MAGI2: variants seen among roughly 807,000 people sequenced by gnomAD.
MAGI2 encodes the protein membrane associated guanylate kinase, WW and PDZ domain containing 2.
Under a neutral mutation model 133.3 loss-of-function variants are expected in MAGI2, and 35 were observed. The observed-to-expected ratio is 0.26, with a 90% CI of 0.20 to 0.35. The LOEUF is 0.35. Ranked by LOEUF, MAGI2 falls within the 10% of genes least tolerant of loss-of-function variation. The pLI is 1.00. For synonymous variants in MAGI2, 729 were observed against 710.6 expected, an observed-to-expected ratio of 1.03 and a Z score of -0.41; for missense variants, 1,636 against 1,863.4, an observed-to-expected ratio of 0.88 and a Z score of 2.25.
intron 1 of MAGI2, among the ~76,000 whole-genome samples, chr7:79,158,690 T>C (rs968902927): frequency 1.3e-5 from 2 of 152,082 alleles, no homozygotes; most frequent in African/African-American, 4.8e-5. Context: ...TAAGTTTTAT[T>C]ACTTAATACT....
intron 3 of MAGI2, among the ~76,000 whole-genome samples, chr7:78,527,006 C>CAAAAAAAAAAAAAAAAAAAAA (rs55707442): frequency 3.1e-4 from 14 of 45,426 alleles, no homozygotes; most frequent in Non-Finnish European, 5.8e-4. Context: ...GACTCCATCT[C>CAAAAAAAAAAAAAAAAAAAAA]AAAAAAAAAA....
At chr7:79,354,636 G>A (rs1841900615) in intron 1 of MAGI2, among the ~76,000 whole-genome samples, 1 of 152,096 alleles carries the variant, frequency 6.6e-6, no homozygotes, top group African/African-American at 2.4e-5. Context: ...CAATAAGAGA[G>A]GTGCCCTGGT....
chr7:79,354,621 C>T (rs1013295370), intron 1 of MAGI2, among the ~76,000 whole-genome samples: 4 of 152,124 alleles, frequency 2.6e-5, no homozygotes, highest in Non-Finnish European at 4.4e-5. Flanking sequence ...GTACCTACCT[C>T]TGTCCAATAA....
chr7:78,250,414 T>C (rs1407749812), intron 10 of MAGI2, among the ~76,000 whole-genome samples: 1 of 152,100 alleles, frequency 6.6e-6, no homozygotes, highest in Non-Finnish European at 1.5e-5. Flanking sequence ...GTGAAATTTA[T>C]AGTTTTAAGT....
intron 1 of MAGI2, among the ~76,000 whole-genome samples, chr7:79,308,377 G>C (rs1355265652): frequency 4.6e-5 from 2 of 43,084 alleles, no homozygotes; most frequent in Non-Finnish European, 1.1e-4. Flanking sequence ...GCTTCTCTTG[G>C]AGTTTTCCCA....
At chr7:78,895,209 C>T (rs1797108844) in intron 2 of MAGI2, among the ~76,000 whole-genome samples, 1 of 152,150 alleles carries the variant, frequency 6.6e-6, no homozygotes, top group Non-Finnish European at 1.5e-5. Flanking sequence ...TCTTGGTGCT[C>T]TCTTGCCATG....
At chr7:78,742,980 A>G (rs1822572640) in intron 2 of MAGI2, among the ~76,000 whole-genome samples, 1 of 152,212 alleles carries the variant, frequency 6.6e-6, no homozygotes, top group Non-Finnish European at 1.5e-5. Flanking sequence ...CAGCCAGCCC[A>G]TGCTGCTCCA....
Position 78,138,270 on chromosome 7 carries a change from G to A in MAGI2, c.2846-3064C>T, listed in dbSNP as rs372572236. On this transcript the variant is annotated intron_variant, in intron 16 of 21. Transcript: ENST00000354212. ...CACTTCATGAGTGGTCCTGATTCAAGGATGAGTGGAAGTCAGGAACTTTGT... is the reference window on the plus strand; with the variant it reads ...CACTTCATGAGTGGTCCTGATTCAAAGATGAGTGGAAGTCAGGAACTTTGT... Among the ~76,000 whole-genome samples, 15 of 152,296 alleles carry A rather than the reference G, an allele frequency of 9.8e-5. 1 individual carries two copies. Among genetic ancestry groups the A allele is most frequent in the Admixed American group, 2.6e-4 (4 of 15,302 alleles).
intron 2 of MAGI2, among the ~76,000 whole-genome samples, chr7:78,771,489 G>C (rs1563484591): frequency 6.6e-6 from 1 of 152,116 alleles, no homozygotes; most frequent in Non-Finnish European, 1.5e-5. Context: ...AAGCATTTTT[G>C]TTTTTGCTTT....
At chr7:79,333,891 T>C (rs866178997) in intron 1 of MAGI2, among the ~76,000 whole-genome samples, 18 of 152,350 alleles carry the variant, frequency 1.2e-4, no homozygotes, top group South Asian at 2.1e-4. Flanking sequence ...ATTTTATAAG[T>C]AAACAACTTT....
At chr7:78,573,404 A>G (rs1259495747) in intron 3 of MAGI2, among the ~76,000 whole-genome samples, 25 of 85,942 alleles carry the variant, frequency 2.9e-4, no homozygotes, top group African/African-American at 1.2e-3. Context: ...ATATATATAT[A>G]GGCTGCCACT....
chr7:79,425,852 C>T (rs1847335311), intron 1 of MAGI2, among the ~76,000 whole-genome samples: 1 of 151,968 alleles, frequency 6.6e-6, no homozygotes, highest in South Asian at 2.1e-4. Context: ...TGACTATTTG[C>T]CTCTCTGCAC....
At chr7:78,154,708 G>C (rs1824218439) in intron 16 of MAGI2, among the ~76,000 whole-genome samples, 1 of 152,076 alleles carries the variant, frequency 6.6e-6, no homozygotes, top group Admixed American at 6.6e-5. Context: ...TCAAATTATA[G>C]AAAAGGGCCA....
At chr7:79,449,894 A>G (rs1849120765) in intron 1 of MAGI2, among the ~76,000 whole-genome samples, 1 of 147,896 alleles carries the variant, frequency 6.8e-6, no homozygotes, top group Non-Finnish European at 1.5e-5. Context: ...ATATATATAT[A>G]TATAATGTCT....
intron 1 of MAGI2, among the ~76,000 whole-genome samples, chr7:79,250,348 C>CA (rs61147108): frequency 0.64 from 83,141 of 130,284 alleles, 26,124 homozygotes; most frequent in Non-Finnish European, 0.72. Context: ...ATGACTCTAC[C>CA]AAAAAAAAAA....
At chr7:78,664,971 T>A (rs1236978955) in intron 2 of MAGI2, among the ~76,000 whole-genome samples, 1 of 152,086 alleles carries the variant, frequency 6.6e-6, no homozygotes, top group Non-Finnish European at 1.5e-5. Flanking sequence ...TAAAAACCCA[T>A]GTGAATTTCT....
At position 78,581,004 on chromosome 7, in the gene MAGI2, T is replaced by C. The variant is rs553371505; in HGVS notation, c.538+46116A>G. ...ATATAAATAATTTAGTTCTCATTTA[T>C]AGTCTTTTTGAATTATGATGGTGAG... On this transcript the variant is annotated intron_variant, in intron 3 of 21. Coordinates refer to ENST00000354212, the MANE Select transcript of MAGI2 (RefSeq NM_012301.4). Among the ~76,000 whole-genome samples the C allele has an allele frequency of 2.5e-4, 38 of 152,350 alleles. 1 individual carries two copies. The South Asian group carries it at 6.6e-3, about 27-fold the overall frequency.
chr7:78,941,728 T>TCACACACACACAAACA (rs1554613251), intron 2 of MAGI2, among the ~76,000 whole-genome samples: 3 of 123,382 alleles, frequency 2.4e-5, no homozygotes, highest in Admixed American at 1.6e-4. Context: ...GCCTATTTCA[T>TCACACACACACAAACA]CACACACACA....
intron 1 of MAGI2, among the ~76,000 whole-genome samples, chr7:79,073,372 T>A (rs768229181): frequency 2.0e-5 from 3 of 152,210 alleles, no homozygotes; most frequent in Non-Finnish European, 4.4e-5. Flanking sequence ...ATAGTGACCA[T>A]ACGTTCTGTT....
Sources: allele counts gnomAD v4.1 joint callset (sites outside exome capture counted in the v4.1 genomes callset), GRCh38; gene constraint gnomAD v4.1.1; transcripts MANE v1.5; gene names NCBI Gene and HGNC (gene_info 2026-07-23, HGNC 2026-07-21).